Variants in WRN observed in about 807,000 individuals in gnomAD.
The protein encoded by WRN is WRN RecQ like helicase, also known as bifunctional 3'-5' exonuclease/ATP-dependent helicase WRN.
WRN carries 149 observed loss-of-function variants against 180.7 expected under a neutral mutation model. That is an observed-to-expected ratio of 0.82 (90% CI 0.72 to 0.94). WRN has a LOEUF of 0.94. Ranked by LOEUF, WRN falls within the 40% of genes least tolerant of loss-of-function variation. The pLI is 0.00. For synonymous variants in WRN, 548 were observed against 568.9 expected, an observed-to-expected ratio of 0.96 and a Z score of 0.52; for missense variants, 1,661 against 1,700.1, an observed-to-expected ratio of 0.98 and a Z score of 0.40.
At chr8:31,048,688 A>G (rs891045730) in intron 1 of WRN, among the ~76,000 whole-genome samples, 1 of 152,220 alleles carries the variant, frequency 6.6e-6, no homozygotes, top group Non-Finnish European at 1.5e-5. Context: ...TAAAAATGAA[A>G]GGCTTTTTGA....
intron 3 of WRN, among the ~76,000 whole-genome samples, chr8:31,063,831 C>T (rs1177344686): frequency 6.6e-6 from 1 of 152,148 alleles, no homozygotes; most frequent in African/African-American, 2.4e-5. Context: ...TCAAGTGATC[C>T]TCCTGCCTCA....
At chr8:31,097,458 C>T (rs531641989) in intron 17 of WRN, among the ~76,000 whole-genome samples, 1 of 152,114 alleles carries the variant, frequency 6.6e-6, no homozygotes, top group Non-Finnish European at 1.5e-5. Flanking sequence ...TTAGTTGCCA[C>T]TAGTGAGTAT....
At chr8:31,083,118 T>C (rs1017612919) in intron 9 of WRN, among the ~76,000 whole-genome samples, 1 of 152,122 alleles carries the variant, frequency 6.6e-6, no homozygotes, top group Admixed American at 6.5e-5. Context: ...CGTTGGACAC[T>C]TGGTTCCTGG....
chr8:31,143,387 C>T (rs1802736609), intron 27 of WRN, among the ~76,000 whole-genome samples, 163 bp from the exon 28 acceptor site: 1 of 152,058 alleles, frequency 6.6e-6, no homozygotes, highest in Non-Finnish European at 1.5e-5. Flanking sequence ...ACCTTTAGAA[C>T]TTTAGAAACT....
At position 31,175,847 on chromosome 8, in the gene WRN, A is replaced by G. The variant is rs561674258; in HGVS notation, c.*2745A>G. On this transcript the variant is annotated 3_prime_UTR_variant, in exon 35 of 35. Coordinates refer to ENST00000298139, the MANE Select transcript of WRN (RefSeq NM_000553.6). ...TCAGTTTTTAAAAATATGTTTTTTAAAAGTATTTATGTTAATGTGTACTTG... is the reference window on the plus strand; with the variant it reads ...TCAGTTTTTAAAAATATGTTTTTTAGAAGTATTTATGTTAATGTGTACTTG... Among the ~76,000 whole-genome samples the G allele has an allele frequency of 6.6e-6, 1 of 152,348 alleles. No individual in the cohort carries two copies. Among genetic ancestry groups the G allele is most frequent in the East Asian group, 1.9e-4 (1 of 5,188 alleles).
chr8:31,039,886 G>A (rs1357818285), intron 1 of WRN, among the ~76,000 whole-genome samples: 3 of 151,982 alleles, frequency 2.0e-5, no homozygotes, highest in African/African-American at 7.2e-5. Context: ...TGCCTTTCTG[G>A]GGTAAATTTC....
chr8:31,050,554 T>G (rs2129964057), intron 1 of WRN, among the ~76,000 whole-genome samples: 1 of 151,560 alleles, frequency 6.6e-6, no homozygotes, highest in Non-Finnish European at 1.5e-5. Context: ...AGAACCTAGG[T>G]TTCTTGATTT....
At chr8:31,111,865 A>G in intron 19 of WRN, 66 bp downstream of exon 19, 4 of 1,541,772 alleles carry the variant, frequency 2.6e-6, no homozygotes, top group Non-Finnish European at 2.7e-6. Context: ...CAACTTATGT[A>G]TTTTATGTTA....
chr8:31,131,503 G>A (rs1050194784), intron 23 of WRN: 1 of 152,272 alleles, frequency 6.6e-6, no homozygotes, highest in African/African-American at 2.4e-5. Context: ...TGGAAGAGCA[G>A]AGTTCTGCAG....
intron 34 of WRN, 45 bp downstream of exon 34, chr8:31,167,275 A>G (rs531043874): frequency 7.8e-5 from 117 of 1,508,628 alleles, no homozygotes; most frequent in Non-Finnish European, 1.1e-4. Context: ...AGTTTGTTCA[A>G]TTTGCATATC....
intron 7 of WRN, among the ~76,000 whole-genome samples, chr8:31,070,238 TTC>T (rs1320120827): frequency 1.3e-5 from 2 of 151,806 alleles, no homozygotes; most frequent in African/African-American, 4.8e-5. Flanking sequence ...CTTCCTTCCT[TTC>T]TGTTATTCAG....
chr8:31,166,722 C>G (rs1803878950), intron 33 of WRN, among the ~76,000 whole-genome samples: 1 of 151,920 alleles, frequency 6.6e-6, no homozygotes, highest in Non-Finnish European at 1.5e-5. Flanking sequence ...AGAACAATTC[C>G]ACGAATGGTT....
rs142050621 is a variant in WRN, at chr8:31,127,869, G to A, written c.2825+2869G>A. On this transcript the variant is annotated intron_variant, in intron 23 of 34. Transcript: ENST00000298139. The stretch of plus-strand genomic sequence containing the variant: ...AGCCTGGAAGGTTGAGACTGCAGTT[G>A]CAGTGAGCCATGATGGCACCACTAC... Among the ~76,000 whole-genome samples, 3 of 152,248 alleles carry A rather than the reference G, an allele frequency of 2.0e-5. No individual in the cohort carries two copies. The East Asian group carries it at 5.8e-4, about 29-fold the overall frequency.
At chr8:31,167,541 G>A (rs11574396) in intron 34 of WRN, among the ~76,000 whole-genome samples, 34,183 of 151,888 alleles carry the variant, frequency 0.23, 4,034 homozygotes, top group South Asian at 0.29. Context: ...TAAGCATATG[G>A]CAGTTTATGT....
intron 20 of WRN, 185 bp from the exon 21 acceptor site, chr8:31,120,058 A>G: frequency 1.5e-6 from 1 of 649,784 alleles, no homozygotes; most frequent in Non-Finnish European, 2.6e-6. Context: ...TCCCATTTCT[A>G]GTCACCAGTC....
rs1060500075 is a variant in WRN, at chr8:31,088,919, C to G, written c.1606C>G (p.Gln536Glu). 6.2e-7 allele frequency: 1 copy of G among 1,611,518 alleles called. No individual in the cohort carries two copies. Among genetic ancestry groups the G allele is most frequent in the Non-Finnish European group, 8.5e-7 (1 of 1,178,728 alleles). Residue 536 changes from glutamine to glutamate, a missense_variant, in exon 13 of 35, where the codon CAA becomes GAA. Gln to Glu is a conservative substitution (Grantham distance 29). Around this residue, in one of 3 missense-constraint regions of WRN, gnomAD observed 1,141 missense variants for 1,149.4 expected, o/e 0.99. Coordinates refer to ENST00000298139, the MANE Select transcript of WRN (RefSeq NM_000553.6). Reference protein sequence around the residue: ...DFLWPAPNEEQVTCLKMYFGH... With the variant: ...DFLWPAPNEEEVTCLKMYFGH... The stretch of plus-strand genomic sequence containing the variant: ...TTTGTGGCCAGCACCCAATGAAGAG[C>G]AAGTTACTTGCCTCAAGATGTACTT...
intron 21 of WRN, among the ~76,000 whole-genome samples, chr8:31,121,221 T>C (rs1020175092): frequency 2.0e-5 from 3 of 152,012 alleles, no homozygotes; most frequent in African/African-American, 7.2e-5. Flanking sequence ...GCCAAGCTGA[T>C]GAAGTATTTT....
intron 18 of WRN, among the ~76,000 whole-genome samples, chr8:31,107,867 C>G (rs1474723434): frequency 6.6e-6 from 1 of 152,164 alleles, no homozygotes; most frequent in Non-Finnish European, 1.5e-5. Flanking sequence ...ATTGTGAAAT[C>G]CATAAGACAT....
At chr8:31,060,023 T>G (rs1003572257) in intron 3 of WRN, among the ~76,000 whole-genome samples, 5 of 151,336 alleles carry the variant, frequency 3.3e-5, no homozygotes, top group Non-Finnish European at 7.4e-5. Context: ...ATCACTGCAC[T>G]CCAGCCTGGG....
Sources: allele counts gnomAD v4.1 joint callset (sites outside exome capture counted in the v4.1 genomes callset), GRCh38; gene constraint gnomAD v4.1.1; regional missense constraint gnomAD v4.1.1; transcripts MANE v1.5; gene names NCBI Gene and HGNC (gene_info 2026-07-23, HGNC 2026-07-21).